Variants in KYNU observed in about 807,000 individuals in gnomAD.
The protein encoded by KYNU is kynureninase, also known as L-kynurenine hydrolase.
Under a neutral mutation model 59.2 loss-of-function variants are expected in KYNU, and 54 were observed. That is an observed-to-expected ratio of 0.91 (90% CI 0.73 to 1.14). The LOEUF is 1.14. Among genes scored for constraint, KYNU ranks in the 50% most tolerant of loss-of-function variants. The pLI, the probability that KYNU is intolerant of heterozygous loss-of-function variation, is 0.00. For synonymous variants in KYNU, 177 were observed against 192.0 expected, an observed-to-expected ratio of 0.92 and a Z score of 0.65; for missense variants, 567 against 554.4, an observed-to-expected ratio of 1.02 and a Z score of -0.23.
At chr2:143,013,917 A>G (rs1297170922) in intron 10 of KYNU, among the ~76,000 whole-genome samples, 1 of 152,214 alleles carries the variant, frequency 6.6e-6, no homozygotes, top group Non-Finnish European at 1.5e-5. Flanking sequence ...ATGTGTATGA[A>G]ACTGAAATGG....
chr2:143,033,215 G>A, intron 11 of KYNU, 21 bp from the exon 12 acceptor site: 1 of 1,516,056 alleles, frequency 6.6e-7, no homozygotes, highest in Non-Finnish European at 9.2e-7. Context: ...CTATGATAAT[G>A]ACATGATATT....
chr2:142,957,493 C>T, intron 6 of KYNU, 148 bp from the exon 7 acceptor site: 1 of 612,120 alleles, frequency 1.6e-6, no homozygotes, highest in East Asian at 2.9e-5. Flanking sequence ...AGTGGTTCTT[C>T]TCTGTTGTGT....
intron 4 of KYNU, among the ~76,000 whole-genome samples, chr2:142,936,981 G>C (rs1233473090): frequency 2.6e-5 from 4 of 152,328 alleles, no homozygotes; most frequent in African/African-American, 9.6e-5. Flanking sequence ...GAGCGCCTGG[G>C]TGCAGGTGGG....
At chr2:142,963,406 G>A (rs1684417289) in intron 8 of KYNU, among the ~76,000 whole-genome samples, 2 of 152,144 alleles carry the variant, frequency 1.3e-5, no homozygotes, top group Admixed American at 6.5e-5. Context: ...AGTTCTGGAG[G>A]CTGGGAAGTG....
At chr2:142,938,962 T>C (rs554004810) in intron 4 of KYNU, among the ~76,000 whole-genome samples, 1 of 151,380 alleles carries the variant, frequency 6.6e-6, no homozygotes, top group East Asian at 1.9e-4. Context: ...CTCTACAAAA[T>C]AAATAAATAA....
intron 7 of KYNU, 130 bp downstream of exon 7, chr2:142,957,845 C>T (rs995823413): frequency 3.0e-6 from 2 of 655,978 alleles, no homozygotes; most frequent in Non-Finnish European, 5.4e-6. Context: ...AGGACCTATA[C>T]TTCTGTTACT....
chr2:142,999,301 T>C (rs1485363407), intron 10 of KYNU, among the ~76,000 whole-genome samples: 1 of 152,146 alleles, frequency 6.6e-6, no homozygotes, highest in African/African-American at 2.4e-5. Context: ...TCCTTTGTAT[T>C]ATAATGTGGA....
chr2:142,952,863 T>C (rs2105078935), intron 4 of KYNU, among the ~76,000 whole-genome samples: 1 of 152,320 alleles, frequency 6.6e-6, no homozygotes, highest in Non-Finnish European at 1.5e-5. Context: ...TGCTTCTCTT[T>C]CCACTAATTC....
rs200798211 is a variant in KYNU at position 142,962,116 on chromosome 2, T to TA, written c.729+1352dup. On this transcript the variant is annotated intron_variant, in intron 8 of 13. Transcript: ENST00000264170. ...AAGCACCAAAATAAAGGGAGGCCAATAAAAAATCATATTTTAAAATGTTAT... is the reference window on the plus strand; with the variant it reads ...AAGCACCAAAATAAAGGGAGGCCAATAAAAAAATCATATTTTAAAATGTTAT... Among the ~76,000 whole-genome samples the TA allele has an allele frequency of 7.8e-3, 1,185 of 152,284 alleles. 10 individuals carry two copies. The highest frequency in any genetic ancestry group is 0.02 in the Middle Eastern group (6 of 294).
chr2:143,002,337 A>G (rs1189918879), intron 10 of KYNU, among the ~76,000 whole-genome samples: 1 of 152,246 alleles, frequency 6.6e-6, no homozygotes. Flanking sequence ...TGTCTTGACC[A>G]CAGTTACGGA....
intron 10 of KYNU, among the ~76,000 whole-genome samples, chr2:142,998,500 TTA>T (rs1374650602): frequency 6.6e-6 from 1 of 152,218 alleles, no homozygotes; most frequent in Non-Finnish European, 1.5e-5. Context: ...AATCATTTCT[TTA>T]TTTGCTTTTT....
At position 143,043,803 on chromosome 2, in the gene KYNU, AAATATATATAAAGTAT is replaced by A. The variant is rs1380959526; in HGVS notation, c.*1650_*1665del. ...TATTTATATTTTAATATATTTATAT[AAATATATATAAAGTAT>A]AATATATATAAAGTATAAATATATA... On this transcript the variant is annotated 3_prime_UTR_variant, in exon 14 of 14. Transcript: ENST00000264170. 3.4e-5 allele frequency: 5 copies of A among 147,098 alleles called. No homozygotes were observed. The highest frequency in any genetic ancestry group is 1.9e-4 in the East Asian group (1 of 5,144). The allele number at this position is 147,098 out of a possible 1,614,324, so 9.1% of individuals were successfully genotyped here.
rs759430041 is a variant in KYNU, at chr2:142,988,688, G to A, written c.902+2667G>A. ...ATTAGGCTTGACTCATGAAGGCCACGTTAAGGAAAACCTTGGTTGTTTTTC... is the reference window on the plus strand; with the variant it reads ...ATTAGGCTTGACTCATGAAGGCCACATTAAGGAAAACCTTGGTTGTTTTTC... On this transcript the variant is annotated intron_variant, in intron 10 of 13. Coordinates refer to ENST00000264170, the MANE Select transcript of KYNU (RefSeq NM_003937.3). Among the ~76,000 whole-genome samples the A allele has an allele frequency of 9.2e-5, 14 of 152,052 alleles. 1 individual carries two copies. In the South Asian group the frequency reaches 2.5e-3, roughly 27 times the overall value.
At chr2:142,910,883 A>C (rs973698219) in intron 2 of KYNU, among the ~76,000 whole-genome samples, 3 of 152,042 alleles carry the variant, frequency 2.0e-5, no homozygotes, top group Non-Finnish European at 4.4e-5. Flanking sequence ...ACTGTTGTAG[A>C]TATGTGGCTT....
At position 143,042,630 on chromosome 2, in the gene KYNU, A is replaced by ATATATATG. The variant is rs1558990248; in HGVS notation, c.*459_*460insATATATGT. On this transcript the variant is annotated 3_prime_UTR_variant, in exon 14 of 14. Coordinates refer to ENST00000264170, the MANE Select transcript of KYNU (RefSeq NM_003937.3). ...TATATATATATATATATATATATAT[A>ATATATATG]TGTGTGTGTGTGTGTGTGTATATAT... 6 of 118,118 alleles carry ATATATATG rather than the reference A, an allele frequency of 5.1e-5. No individual in the cohort carries two copies. The highest frequency in any genetic ancestry group is 4.9e-5 in the Non-Finnish European group (3 of 61,190). 7.3% of individuals were successfully genotyped at this position (118,118 alleles called of 1,614,324 possible).
chr2:142,936,476 G>A lies in KYNU; in HGVS notation c.373+8735G>A, dbSNP rs1431812353. Among the ~76,000 whole-genome samples, 7 of 152,164 alleles carry A rather than the reference G, an allele frequency of 4.6e-5. No homozygotes were observed. In the South Asian group the frequency reaches 1.0e-3, roughly 23 times the overall value. ...AGGACCAAGAATTTCCCATAACGGA[G>A]GGTAGGCATGGGAGAACAGAGAAAA... On this transcript the variant is annotated intron_variant, in intron 4 of 13. Transcript: ENST00000264170.
At chr2:142,932,990 G>A (rs1683277133) in intron 4 of KYNU, among the ~76,000 whole-genome samples, 1 of 152,104 alleles carries the variant, frequency 6.6e-6, no homozygotes, top group South Asian at 2.1e-4. Context: ...TAGTGATTTG[G>A]GGGGTTTCTA....
At chr2:142,930,724 A>G (rs564924863) in intron 4 of KYNU, among the ~76,000 whole-genome samples, 2 of 152,310 alleles carry the variant, frequency 1.3e-5, no homozygotes, top group South Asian at 2.1e-4. Flanking sequence ...GACTGCACTT[A>G]ACCTTAATTA....
intron 10 of KYNU, among the ~76,000 whole-genome samples, chr2:143,016,083 T>C (rs921363126): frequency 2.6e-5 from 4 of 152,242 alleles, no homozygotes; most frequent in African/African-American, 9.6e-5. Flanking sequence ...TAGTTTTCTC[T>C]AAACGTTCAT....
Sources: gnomAD v4.1 joint callset for allele counts (sites outside exome capture counted in the v4.1 genomes callset) on GRCh38, gnomAD v4.1.1 for gene constraint, MANE v1.5 for transcripts, NCBI Gene and HGNC (gene_info 2026-07-23, HGNC 2026-07-21) for gene names.